BMS1: variants seen among roughly 807,000 people sequenced by gnomAD.
BMS1 encodes the protein BMS1 ribosome biogenesis factor.
A neutral mutation model predicts 138.7 loss-of-function variants in BMS1; 53 were observed. The observed-to-expected ratio is 0.38, with a 90% CI of 0.31 to 0.48. BMS1 has a LOEUF of 0.48. Ranked by LOEUF, BMS1 falls within the 20% of genes least tolerant of loss-of-function variation. The pLI, the probability that BMS1 is intolerant of heterozygous loss-of-function variation, is 0.97. For missense variants in BMS1, 1,360 were observed against 1,565.5 expected, an observed-to-expected ratio of 0.87 and a Z score of 2.22; for synonymous variants, 504 against 539.9, an observed-to-expected ratio of 0.93 and a Z score of 0.92.
chr10:42,831,105 A>C lies in BMS1; in HGVS notation c.*9A>C, dbSNP rs770419053. The C allele has an allele frequency of 6.4e-7, 1 of 1,553,740 alleles. No homozygotes were observed. The highest frequency in any genetic ancestry group is 8.7e-7 in the Non-Finnish European group (1 of 1,148,070). ...AGGGCCAATTGCAGTGAGCCTTTGGACTGGAGGGACTGTCCCTGGATCTGC... is the reference window on the plus strand; with the variant it reads ...AGGGCCAATTGCAGTGAGCCTTTGGCCTGGAGGGACTGTCCCTGGATCTGC... On this transcript the variant is annotated 3_prime_UTR_variant, in exon 23 of 23. Coordinates refer to ENST00000374518, the MANE Select transcript of BMS1 (RefSeq NM_014753.4).
Position 42,793,812 on chromosome 10 carries a change from T to C in BMS1, c.1090-40T>C, listed in dbSNP as rs142956723. The C allele has an allele frequency of 8.3e-4, 1,317 of 1,585,534 alleles. 8 individuals are homozygous for C. The African/African-American group carries it at 0.013, about 16-fold the overall frequency. On this transcript the variant is annotated intron_variant, in intron 8 of 22. Coordinates refer to ENST00000374518, the MANE Select transcript of BMS1 (RefSeq NM_014753.4). ...GAAGCTCGTGTCTCTCCAGGATCTTTGTGCTTTCCTCACGTGCCCTTTCTT... is the reference window on the plus strand; with the variant it reads ...GAAGCTCGTGTCTCTCCAGGATCTTCGTGCTTTCCTCACGTGCCCTTTCTT...
rs753273151 is a variant in BMS1 at position 42,790,300 on chromosome 10, G to T, written c.448-23G>T. On this transcript the variant is annotated intron_variant, in intron 4 of 22. Transcript: ENST00000374518. ...TGGTCTGTTTTGGTAGTTTCTTTGA[G>T]AAATTATGTGTTCTGCTTTTAGGTA... 17 of 1,611,828 alleles carry T rather than the reference G, an allele frequency of 1.1e-5. No homozygotes were observed. The African/African-American group carries it at 1.2e-4, about 11-fold the overall frequency.
chr10:42,802,328 T>C, intron 13 of BMS1, 110 bp downstream of exon 13: 1 of 935,400 alleles, frequency 1.1e-6, no homozygotes, highest in East Asian at 2.9e-5. Flanking sequence ...TCAAATGCTT[T>C]GGGAATTCAG....
chr10:42,791,847 G>T (rs1217297836), intron 6 of BMS1, 78 bp downstream of exon 6: 1 of 1,497,470 alleles, frequency 6.7e-7, no homozygotes, highest in African/African-American at 1.4e-5. Flanking sequence ...AACAGTGATA[G>T]GATTTATTTT....
In BMS1 at chr10:42,798,344, C is replaced by G. The variant is rs1589139117; in HGVS notation, c.2090-124C>G. On this transcript the variant is annotated intron_variant, in intron 11 of 22. Coordinates refer to ENST00000374518, the MANE Select transcript of BMS1 (RefSeq NM_014753.4). ...TAACTCTTATGTGGCCATTGCCATA[C>G]CCACCACAGACAGAGTCCCTCAGTT... is the stretch of plus-strand genomic sequence containing the variant. 3 of 1,201,886 alleles carry G rather than the reference C, an allele frequency of 2.5e-6. No individual in the cohort carries two copies. In the Admixed American group the frequency reaches 6.4e-5, roughly 26 times the overall value. The allele number at this position is 1,201,886 out of a possible 1,614,324, so 74.5% of individuals were successfully genotyped here.
At chr10:42,829,282 G>T (rs1377588291) in intron 21 of BMS1, among the ~76,000 whole-genome samples, 3 of 151,982 alleles carry the variant, frequency 2.0e-5, no homozygotes, top group African/African-American at 7.3e-5. Context: ...CTGCACTCTA[G>T]CCTGGGCGAC....
intron 12 of BMS1, among the ~76,000 whole-genome samples, chr10:42,800,261 T>G (rs1472643333): frequency 6.6e-6 from 1 of 152,216 alleles, no homozygotes; most frequent in Non-Finnish European, 1.5e-5. Flanking sequence ...ATTTGATTTT[T>G]ATTTTTCGGC....
intron 1 of BMS1, among the ~76,000 whole-genome samples, chr10:42,784,073 T>C (rs937081254): frequency 2.6e-5 from 4 of 152,208 alleles, no homozygotes; most frequent in Non-Finnish European, 4.4e-5. Flanking sequence ...AGTACAGATA[T>C]AGTATATTTC....
chr10:42,793,885 A>G lies in BMS1; in HGVS notation c.1123A>G (p.Ser375Gly). ...GGGGCCCACCCATGAGCTGGTCCAG[A>G]GTCTCATCTCTACCCACTCCACCAT... is the stretch of plus-strand genomic sequence containing the variant. ...EVGPTHELVQ[S>G]LISTHSTIDA... Residue 375 changes from serine to glycine, a missense_variant, in exon 9 of 23, where the codon AGT (serine) becomes GGT (glycine). By Grantham distance (56) the Ser-to-Gly change is moderately conservative (BLOSUM62 0). Transcript: ENST00000374518. The G allele has an allele frequency of 6.2e-7, 1 of 1,611,700 alleles. No individual in the cohort carries two copies. Among genetic ancestry groups the G allele is most frequent in the Non-Finnish European group, 8.5e-7 (1 of 1,179,774 alleles).
intron 19 of BMS1, 121 bp from the exon 20 acceptor site, chr10:42,822,997 T>C (rs1842544422): frequency 8.4e-6 from 9 of 1,069,662 alleles, no homozygotes; most frequent in Non-Finnish European, 8.8e-6. Flanking sequence ...ATTTTGTTTA[T>C]TTTATCACCC....
chr10:42,824,720 C>T (rs1842591037), intron 21 of BMS1, among the ~76,000 whole-genome samples: 1 of 152,012 alleles, frequency 6.6e-6, no homozygotes, highest in Non-Finnish European at 1.5e-5. Context: ...TCCAGTTTTC[C>T]CAGCACTATT....
chr10:42,819,726 G>C (rs894908977), intron 15 of BMS1, among the ~76,000 whole-genome samples: 13 of 152,236 alleles, frequency 8.5e-5, no homozygotes, highest in African/African-American at 1.4e-4. Context: ...CTTGGAGCAG[G>C]AGAGAAGAAA....
intron 13 of BMS1, among the ~76,000 whole-genome samples, chr10:42,811,914 T>G (rs561901837): frequency 7.9e-5 from 12 of 152,212 alleles, no homozygotes; most frequent in Non-Finnish European, 1.3e-4. Flanking sequence ...TATCAAGTAT[T>G]TAGAGAGTTT....
chr10:42,819,292 C>G (rs1340846503), intron 15 of BMS1, among the ~76,000 whole-genome samples: 19 of 152,142 alleles, frequency 1.2e-4, no homozygotes, highest in African/African-American at 4.6e-4. Flanking sequence ...GCCTGTAGAA[C>G]TTTCTGTGAT....
intron 13 of BMS1, among the ~76,000 whole-genome samples, chr10:42,808,256 C>T (rs1842066295): frequency 6.9e-6 from 1 of 145,732 alleles, no homozygotes; most frequent in Non-Finnish European, 1.5e-5. Flanking sequence ...TTTCACAGAG[C>T]AGAAGTTTTT....
chr10:42,788,214 C>T lies in BMS1; in HGVS notation c.447+967C>T, dbSNP rs189313831. 4.4e-4 allele frequency among the ~76,000 whole-genome samples: 67 copies of T among 152,210 alleles called. No homozygotes were observed. The East Asian group carries it at 0.011, about 25-fold the overall frequency. On this transcript the variant is annotated intron_variant, in intron 4 of 22. Coordinates refer to ENST00000374518, the MANE Select transcript of BMS1 (RefSeq NM_014753.4). ...TAGTAAAAATAAGTGTTATTATTAA[C>T]GTAGTGTAAGCTTACTAAATCTTGT... is the stretch of plus-strand genomic sequence containing the variant.
rs1024337594 is a variant in BMS1, at chr10:42,796,958, G to A, written c.1714G>A (p.Ala572Thr). Reference protein sequence around the residue: ...NLEKSLLMKKAALPTFDSGHC... With the variant: ...NLEKSLLMKKTALPTFDSGHC... ...GGAGAAGTCTTTGCTGATGAAGAAA[G>A]CAGCTCTCCCCACTTTCGATTCTGG... The change falls in exon 10 of 23, where the codon GCA becomes ACA. Residue 572 changes from alanine to threonine, a missense_variant. Around this residue, in one of 3 missense-constraint regions of BMS1, gnomAD observed 697 missense variants for 686.2 expected, o/e 1.02. Coordinates refer to ENST00000374518, the MANE Select transcript of BMS1 (RefSeq NM_014753.4). 85 of 1,614,106 alleles carry A rather than the reference G, an allele frequency of 5.3e-5. No individual in the cohort carries two copies. Among genetic ancestry groups the A allele is most frequent in the Non-Finnish European group, 6.7e-5 (79 of 1,180,044 alleles).
At chr10:42,789,155 T>C (rs1841428211) in intron 4 of BMS1, among the ~76,000 whole-genome samples, 1 of 152,216 alleles carries the variant, frequency 6.6e-6, no homozygotes, top group Non-Finnish European at 1.5e-5. Flanking sequence ...GACTGGCAGC[T>C]GAGGGACTGT....
intron 13 of BMS1, among the ~76,000 whole-genome samples, chr10:42,806,960 T>C (rs7091439): frequency 0.092 from 13,992 of 152,248 alleles, 751 homozygotes; most frequent in African/African-American, 0.12. Flanking sequence ...ATGTGTACTG[T>C]AATACAAGGT....
Sources: allele counts gnomAD v4.1 joint callset (sites outside exome capture counted in the v4.1 genomes callset), GRCh38; gene constraint gnomAD v4.1.1; regional missense constraint gnomAD v4.1.1; transcripts MANE v1.5; gene names NCBI Gene and HGNC (gene_info 2026-07-23, HGNC 2026-07-21).